Variants in LYRM7 observed in about 807,000 individuals in gnomAD.
The protein encoded by LYRM7 is LYR motif containing 7.
Under a neutral mutation model 15.8 loss-of-function variants are expected in LYRM7, and 9 were observed. The ratio of observed to expected loss-of-function variants is 0.57; its 90% confidence interval spans 0.34 to 0.99. The LOEUF (loss-of-function observed/expected upper bound fraction) is 0.99. Ranked by LOEUF, LYRM7 falls within the 50% of genes least tolerant of loss-of-function variation. The pLI is 0.02. For synonymous variants in LYRM7, 39 were observed against 39.4 expected (o/e 0.99, Z 0.04); for missense variants, 115 against 119.1 (o/e 0.97, Z 0.16).
At chr5:131,196,369 A>G (rs1365097618) in intron 4 of LYRM7, among the ~76,000 whole-genome samples, 4 of 152,108 alleles carry the variant, frequency 2.6e-5, no homozygotes, top group African/African-American at 9.7e-5. Flanking sequence ...GCAATGTACC[A>G]AGCAAAAAAA....
intron 2 of LYRM7, 119 bp downstream of exon 2, chr5:131,180,286 G>C (rs1755670673): frequency 1.7e-6 from 1 of 583,696 alleles, no homozygotes; most frequent in Non-Finnish European, 3.0e-6. Context: ...ACCTCTCTCT[G>C]ATATCTTTTA....
At chr5:131,171,216 G>A (rs1302492441) in intron 1 of LYRM7, among the ~76,000 whole-genome samples, 178 bp downstream of exon 1, 1 of 152,110 alleles carries the variant, frequency 6.6e-6, no homozygotes, top group Non-Finnish European at 1.5e-5. Flanking sequence ...GTTTGTGCAC[G>A]TGCGGAGGAG....
chr5:131,186,157 T>C (rs1391092905), intron 3 of LYRM7, among the ~76,000 whole-genome samples: 1 of 152,146 alleles, frequency 6.6e-6, no homozygotes, highest in Non-Finnish European at 1.5e-5. Flanking sequence ...CTCAAGTACA[T>C]ATTATTTGAT....
Position 131,181,438 on chromosome 5 carries a change from A to G in LYRM7, c.92-791A>G, listed in dbSNP as rs10478971. On this transcript the variant is annotated intron_variant, in intron 2 of 4. Coordinates refer to ENST00000379380, the MANE Select transcript of LYRM7 (RefSeq NM_181705.4). ...ATGTTTATATATATATAACATATAT[A>G]TGTATATATATATAAAACATATATA... is the stretch of plus-strand genomic sequence containing the variant. Among the ~76,000 whole-genome samples, 4 of 121,420 alleles carry G rather than the reference A, an allele frequency of 3.3e-5. No individual in the cohort carries two copies. In the East Asian group the frequency reaches 6.1e-4, roughly 18 times the overall value. The allele number at this position is 121,420 out of a possible 152,430, so 79.7% of individuals were successfully genotyped here. A position where few individuals can be genotyped will look rare whatever the true frequency, so the allele number is the denominator to read the frequency against.
At chr5:131,190,729 G>A (rs937383470) in intron 4 of LYRM7, among the ~76,000 whole-genome samples, 2 of 152,066 alleles carry the variant, frequency 1.3e-5, no homozygotes, top group Non-Finnish European at 2.9e-5. Flanking sequence ...GACCTCAGGT[G>A]ATCCACCTGC....
chr5:131,197,630 C>T (rs985604046), intron 4 of LYRM7, among the ~76,000 whole-genome samples: 1 of 131,392 alleles, frequency 7.6e-6, no homozygotes, highest in African/African-American at 2.8e-5. Flanking sequence ...TAATCTCAAA[C>T]TCCTGGGCTC....
intron 4 of LYRM7, among the ~76,000 whole-genome samples, chr5:131,188,277 G>A (rs1755829612): frequency 6.6e-6 from 1 of 151,742 alleles, no homozygotes; most frequent in East Asian, 1.9e-4. Flanking sequence ...TATATTGAAA[G>A]GCTTTGTTTT....
At chr5:131,173,550 TC>T (rs754815670) in intron 1 of LYRM7, among the ~76,000 whole-genome samples, 7 of 152,114 alleles carry the variant, frequency 4.6e-5, no homozygotes, top group Non-Finnish European at 1.0e-4. Context: ...TCGAGACCCA[TC>T]TGGCCAACGC....
At chr5:131,181,477 A>AC (rs568940709) in intron 2 of LYRM7, among the ~76,000 whole-genome samples, 1 of 127,574 alleles carries the variant, frequency 7.8e-6, no homozygotes, top group African/African-American at 3.0e-5. Flanking sequence ...ATATATATAT[A>AC]ACATATATAT....
At chr5:131,196,282 A>T (rs908661178) in intron 4 of LYRM7, among the ~76,000 whole-genome samples, 1 of 151,366 alleles carries the variant, frequency 6.6e-6, no homozygotes, top group Non-Finnish European at 1.5e-5. Context: ...CTCCTAAAGT[A>T]CTAGGAGTAT....
chr5:131,182,842 G>A (rs1755735792), intron 3 of LYRM7, among the ~76,000 whole-genome samples: 1 of 152,014 alleles, frequency 6.6e-6, no homozygotes, highest in Non-Finnish European at 1.5e-5. Context: ...TGAAAAAAAT[G>A]CACAATTTTT....
intron 1 of LYRM7, among the ~76,000 whole-genome samples, chr5:131,178,141 G>A (rs1403706945): frequency 1.3e-5 from 2 of 151,984 alleles, no homozygotes; most frequent in African/African-American, 4.8e-5. Context: ...CTGTTTTCAT[G>A]TCTGCCTTTG....
rs993928789 is a variant in LYRM7 at position 131,205,408 on chromosome 5, G to A, written c.*5807G>A. 6.6e-6 allele frequency: 1 copy of A among 152,170 alleles called. No individual in the cohort carries two copies. The highest frequency in any genetic ancestry group is 6.5e-5 in the Admixed American group (1 of 15,272). The allele number at this position is 152,170 out of a possible 1,614,324, so 9.4% of individuals were successfully genotyped here. A position where few individuals can be genotyped will look rare whatever the true frequency, so the allele number is the denominator to read the frequency against. On this transcript the variant is annotated 3_prime_UTR_variant, in exon 5 of 5. Transcript: ENST00000379380. Reference sequence around the variant, plus strand: ...TTTATTCCATTGTAAGAATAAACAAGTTTGTTCATTCATGTCTCCATTGAT... The same window carrying A: ...TTTATTCCATTGTAAGAATAAACAAATTTGTTCATTCATGTCTCCATTGAT...
intron 2 of LYRM7, among the ~76,000 whole-genome samples, chr5:131,180,768 A>G (rs1329974830): frequency 6.6e-6 from 1 of 152,240 alleles, no homozygotes; most frequent in Non-Finnish European, 1.5e-5. Flanking sequence ...TTCTGAACAA[A>G]TAAGATATAT....
chr5:131,184,362 A>G (rs1175925420), intron 3 of LYRM7, among the ~76,000 whole-genome samples: 1 of 151,108 alleles, frequency 6.6e-6, no homozygotes, highest in African/African-American at 2.4e-5. Flanking sequence ...GATAATTGTG[A>G]TTTTTTCTTT....
Position 131,199,571 on chromosome 5 carries a change from A to G in LYRM7, c.285A>G (p.Pro95=), listed in dbSNP as rs779550555. 15 of 1,605,884 alleles carry G rather than the reference A, an allele frequency of 9.3e-6. No individual in the cohort carries two copies. The highest frequency in any genetic ancestry group is 5.1e-5 in the Admixed American group (3 of 59,206). Residue 95 remains proline, a synonymous_variant, in exon 5 of 5, where the codon CCA becomes CCG. Transcript: ENST00000379380. ...AAGACCTTCTTGTAGAAAATGTGCC[A>G]TATTGTGATGCACCAACTCAGAAGC... ...PRKDLLVENV[P]YCDAPTQKQ is the part of the protein sequence containing the mutation.
At chr5:131,184,445 G>A (rs1049281006) in intron 3 of LYRM7, among the ~76,000 whole-genome samples, 9 of 152,178 alleles carry the variant, frequency 5.9e-5, no homozygotes, top group Admixed American at 2.0e-4. Flanking sequence ...GGCTTCAAGC[G>A]ACCCTCCTGC....
At chr5:131,194,791 T>A (rs1755937778) in intron 4 of LYRM7, among the ~76,000 whole-genome samples, 1 of 152,138 alleles carries the variant, frequency 6.6e-6, no homozygotes, top group Non-Finnish European at 1.5e-5. Context: ...ATTTCTGTGG[T>A]ATGGCTTTGG....
chr5:131,188,207 C>T lies in LYRM7; in HGVS notation c.244+1098C>T, dbSNP rs576593570. On this transcript the variant is annotated intron_variant, in intron 4 of 4. Transcript: ENST00000379380. Reference sequence around the variant, plus strand: ...AGGAGGTTGAGGCCTTAATGAGCCGCGAGTATGCCACTGTACTCCAGCCTG... The same window carrying T: ...AGGAGGTTGAGGCCTTAATGAGCCGTGAGTATGCCACTGTACTCCAGCCTG... Among the ~76,000 whole-genome samples, 7 of 152,078 alleles carry T rather than the reference C, an allele frequency of 4.6e-5. 1 individual carries two copies. Among genetic ancestry groups the T allele is most frequent in the South Asian group, 4.2e-4 (2 of 4,816 alleles).
Sources: gnomAD v4.1 joint callset for allele counts (sites outside exome capture counted in the v4.1 genomes callset) on GRCh38, gnomAD v4.1.1 for gene constraint, MANE v1.5 for transcripts, NCBI Gene and HGNC (gene_info 2026-07-23, HGNC 2026-07-21) for gene names.